GPHB5: variants seen among roughly 807,000 people sequenced by gnomAD.
GPHB5 encodes glycoprotein hormone beta-5.
GPHB5 carries 7 observed loss-of-function variants against 10.1 expected under a neutral mutation model. The ratio of observed to expected loss-of-function variants is 0.69; its 90% CI spans 0.39 to 1.30. GPHB5 has a LOEUF of 1.30. Among genes scored for constraint, GPHB5 ranks in the 50% most tolerant of loss-of-function variants. GPHB5 has a pLI of 0.01. For synonymous variants in GPHB5, 68 were observed against 70.1 expected, an observed-to-expected ratio of 0.97 and a Z score of 0.15; for missense variants, 161 against 169.8, an observed-to-expected ratio of 0.95 and a Z score of 0.29.
chr14:63,313,873 T>G (rs1882719643), intron 2 of GPHB5, among the ~76,000 whole-genome samples: 2 of 152,158 alleles, frequency 1.3e-5, no homozygotes, highest in Non-Finnish European at 2.9e-5. Flanking sequence ...CTTGCTTTAT[T>G]TTCCACCACA....
chr14:63,313,208 T>C, intron 2 of GPHB5, 92 bp from the exon 3 acceptor site: 1 of 1,124,842 alleles, frequency 8.9e-7, no homozygotes, highest in South Asian at 1.6e-5. Context: ...GAAATTAACT[T>C]GTTATTCGTT....
At chr14:63,314,690 GCGT>G (rs1238115907) in intron 2 of GPHB5, among the ~76,000 whole-genome samples, 1 of 152,084 alleles carries the variant, frequency 6.6e-6, no homozygotes, top group Non-Finnish European at 1.5e-5. Context: ...GGGATTACAG[GCGT>G]GAGCCACCAC....
intron 2 of GPHB5, among the ~76,000 whole-genome samples, chr14:63,314,905 CTT>C (rs71120257): frequency 4.0e-5 from 3 of 75,334 alleles, no homozygotes; most frequent in Non-Finnish European, 5.4e-5. Context: ...TTTCTTTTTT[CTT>C]TTTTTTTTTT....
At position 63,317,794 on chromosome 14, in the gene GPHB5, T is replaced by C; in HGVS notation, c.56A>G (p.Tyr19Cys). ...GPMALLLLAG[Y>C]GCVLGASSGN... ...ACTGGAGGCACCGAGGACACAGCCA[T>C]AGCCAGCCAGAAGGAGGAGGGCCAT... The change falls in exon 2 of 3, where the codon TAT becomes TGT. Residue 19 changes from tyrosine (Y) to cysteine (C), a missense_variant. Coordinates refer to ENST00000621500, the MANE Select transcript of GPHB5 (RefSeq NM_145171.4). The C allele has an allele frequency of 1.9e-6, 3 of 1,613,998 alleles. No homozygotes were observed. Among genetic ancestry groups the C allele is most frequent in the Non-Finnish European group, 2.5e-6 (3 of 1,179,888 alleles).
chr14:63,314,637 T>C (rs1436402576), intron 2 of GPHB5, among the ~76,000 whole-genome samples: 2 of 151,924 alleles, frequency 1.3e-5, no homozygotes, highest in African/African-American at 2.4e-5. Context: ...TGGTCTCGAT[T>C]TCCTGACCTC....
intron 1 of GPHB5, 82 bp from the exon 2 acceptor site, chr14:63,317,932 A>C: frequency 1.6e-6 from 2 of 1,262,486 alleles, no homozygotes; most frequent in Non-Finnish European, 2.2e-6. Flanking sequence ...ATTTGTCACT[A>C]TCAAAGGGAC....
chr14:63,317,293 T>C (rs1022016371), intron 2 of GPHB5, among the ~76,000 whole-genome samples: 2 of 152,112 alleles, frequency 1.3e-5, no homozygotes, highest in African/African-American at 4.8e-5. Context: ...GATTCCCAGC[T>C]TTACACTGAC....
chr14:63,317,099 C>G (rs1460097671), intron 2 of GPHB5, among the ~76,000 whole-genome samples: 1 of 152,082 alleles, frequency 6.6e-6, no homozygotes, highest in Non-Finnish European at 1.5e-5. Context: ...CAGTGATAAC[C>G]CCAGAGGGCT....
intron 2 of GPHB5, among the ~76,000 whole-genome samples, chr14:63,315,600 C>T (rs1882758264): frequency 6.6e-6 from 1 of 152,138 alleles, no homozygotes; most frequent in African/African-American, 2.4e-5. Flanking sequence ...CTATTTTCAA[C>T]AACCTTCAAA....
In GPHB5 at chr14:63,312,891, C is replaced by A. The variant is rs569921410; in HGVS notation, c.*37G>T. 3.2e-5 allele frequency: 49 copies of A among 1,531,884 alleles called. No individual in the cohort carries two copies. In the African/African-American group the frequency reaches 6.2e-4, roughly 19 times the overall value. 94.9% of individuals were successfully genotyped at this position (1,531,884 alleles called of 1,614,324 possible). A position where few individuals can be genotyped will look rare whatever the true frequency, so the allele number is the denominator to read the frequency against. On this transcript the variant is annotated 3_prime_UTR_variant, in exon 3 of 3. Coordinates refer to ENST00000621500, the MANE Select transcript of GPHB5 (RefSeq NM_145171.4). ...CCAGGAAGTATAACTGCATGTGCTG[C>A]TCACACAGGTGGGTCTGCAGAGAGC...
At chr14:63,315,929 T>G (rs1020339379) in intron 2 of GPHB5, among the ~76,000 whole-genome samples, 3 of 152,134 alleles carry the variant, frequency 2.0e-5, no homozygotes, top group Non-Finnish European at 4.4e-5. Context: ...CATCAGTTTT[T>G]AAAAAGAAGA....
intron 2 of GPHB5, among the ~76,000 whole-genome samples, chr14:63,313,986 G>A (rs1882721590): frequency 6.6e-6 from 1 of 152,068 alleles, no homozygotes; most frequent in African/African-American, 2.4e-5. Context: ...TGCCCACTGT[G>A]CCTCAAGTAC....
Position 63,313,077 on chromosome 14 carries a change from G to C in GPHB5, c.244C>G (p.Arg82Gly), listed in dbSNP as rs575761660. The C allele has an allele frequency of 1.2e-6, 2 of 1,607,022 alleles. No homozygotes were observed. The highest frequency in any genetic ancestry group is 2.2e-5 in the East Asian group (1 of 44,690). Residue 82 changes from arginine (R) to glycine (G), a missense_variant, in exon 3 of 3, where the codon CGA becomes GGA. Coordinates refer to ENST00000621500, the MANE Select transcript of GPHB5 (RefSeq NM_145171.4). Reference sequence around the variant, plus strand: ...TTGGTCTCGTTGTAGGTACAGACTCGATGATGGGCTTCAATATAGGGGGGT... The same window carrying C: ...TTGGTCTCGTTGTAGGTACAGACTCCATGATGGGCTTCAATATAGGGGGGT... ...LEPPYIEAHH[R>G]VCTYNETKQV... is the part of the protein sequence containing the mutation.
At chr14:63,314,691 C>T (rs1034286914) in intron 2 of GPHB5, among the ~76,000 whole-genome samples, 6 of 151,898 alleles carry the variant, frequency 4.0e-5, no homozygotes, top group Non-Finnish European at 8.8e-5. Flanking sequence ...GGATTACAGG[C>T]GTGAGCCACC....
At chr14:63,316,990 A>G (rs534276941) in intron 2 of GPHB5, among the ~76,000 whole-genome samples, 6 of 152,360 alleles carry the variant, frequency 3.9e-5, no homozygotes, top group African/African-American at 1.4e-4. Context: ...TTAGCCCAAT[A>G]GGATTTTAAC....
At chr14:63,316,872 G>A (rs1373601570) in intron 2 of GPHB5, among the ~76,000 whole-genome samples, 2 of 152,144 alleles carry the variant, frequency 1.3e-5, no homozygotes, top group African/African-American at 4.8e-5. Flanking sequence ...CACTTCATTG[G>A]TTACCAAGTG....
rs896315405 is a variant in GPHB5, at chr14:63,318,127, G to A, written c.-1-277C>T. Among the ~76,000 whole-genome samples the A allele has an allele frequency of 2.6e-5, 4 of 152,186 alleles. No individual in the cohort carries two copies. In the East Asian group the frequency reaches 5.8e-4, roughly 22 times the overall value. On this transcript the variant is annotated intron_variant, in intron 1 of 2. Transcript: ENST00000621500. ...GTAACTTAACTGCTGCAGTTGACTT[G>A]TGTGTTAAAGAAGTTTGTCCCAGTG...
chr14:63,313,202 T>G, intron 2 of GPHB5, 86 bp from the exon 3 acceptor site: 6 of 1,177,724 alleles, frequency 5.1e-6, no homozygotes, highest in Non-Finnish European at 5.9e-6. Context: ...CTATCAGAAA[T>G]TAACTTGTTA....
rs78716270 is a variant in GPHB5 at position 63,313,744 on chromosome 14, C to G, written c.205-628G>C. Among the ~76,000 whole-genome samples, 158 of 152,296 alleles carry G rather than the reference C, an allele frequency of 1.0e-3. 1 individual carries two copies. The East Asian group carries it at 0.021, about 20-fold the overall frequency. On this transcript the variant is annotated intron_variant, in intron 2 of 2. Coordinates refer to ENST00000621500, the MANE Select transcript of GPHB5 (RefSeq NM_145171.4). ...GAACATTCTTCTCCCGTATGATTCA[C>G]TCTTTCACCAACCTTGGGTTTTTGT...
Sources: allele counts gnomAD v4.1 joint callset (sites outside exome capture counted in the v4.1 genomes callset), GRCh38; gene constraint gnomAD v4.1.1; transcripts MANE v1.5; gene names NCBI Gene and HGNC (gene_info 2026-07-23, HGNC 2026-07-21).